Variants in PEPD observed in about 807,000 individuals in gnomAD.
PEPD encodes peptidase D.
A neutral mutation model predicts 60.7 loss-of-function variants in PEPD; 53 were observed. The ratio of observed to expected loss-of-function variants is 0.87; its 90% confidence interval spans 0.70 to 1.10. The LOEUF (loss-of-function observed/expected upper bound fraction) is 1.10. Ranked by LOEUF, PEPD falls within the 50% of genes least tolerant of loss-of-function variation. The pLI, the probability that PEPD is intolerant of heterozygous loss-of-function variation, is 0.00. For synonymous variants in PEPD, 267 were observed against 284.1 expected (o/e 0.94, Z 0.60); for missense variants, 711 against 711.9 (o/e 1.00, Z 0.01).
rs142070498 is a variant in PEPD at position 33,387,978 on chromosome 19, T to C, written c.1256A>G (p.Asp419Gly). Residue 419 changes from aspartate (D) to glycine (G), a missense_variant, in exon 14 of 15, where the codon GAC becomes GGC. Asp to Gly is a moderately conservative substitution (Grantham distance 94). Transcript: ENST00000244137. ...CGCCAGGGCCTCATCCAGGAGGTGG[T>C]CGATGAAGTAGATGCCCGGCTCCAC... ...LTVEPGIYFI[D>G]HLLDEALADP... 8,407 of 1,593,482 alleles carry C rather than the reference T, an allele frequency of 5.3e-3. 34 individuals carry two copies. Among genetic ancestry groups the C allele is most frequent in the Non-Finnish European group, 6.3e-3 (7,369 of 1,170,656 alleles).
intron 1 of PEPD, among the ~76,000 whole-genome samples, chr19:33,518,348 T>A (rs2145364769): frequency 6.6e-6 from 1 of 152,236 alleles, no homozygotes; most frequent in East Asian, 1.9e-4. Context: ...TAGCCCCCAG[T>A]CGGCCTGAGT....
intron 6 of PEPD, among the ~76,000 whole-genome samples, chr19:33,482,246 C>T (rs1970324897): frequency 6.6e-6 from 1 of 152,110 alleles, no homozygotes; most frequent in Non-Finnish European, 1.5e-5. Flanking sequence ...ACATCATGAC[C>T]AAGTGGGATT....
chr19:33,454,561 C>T (rs1969760735), intron 9 of PEPD, among the ~76,000 whole-genome samples: 1 of 151,420 alleles, frequency 6.6e-6, no homozygotes, highest in Non-Finnish European at 1.5e-5. Context: ...GAGATTGTAC[C>T]ACTGCACTCC....
intron 1 of PEPD, among the ~76,000 whole-genome samples, chr19:33,515,184 G>A (rs955138626): frequency 1.3e-5 from 2 of 152,166 alleles, no homozygotes; most frequent in East Asian, 1.9e-4. Flanking sequence ...AATGACACAC[G>A]GGGCCACACA....
chr19:33,473,858 T>G (rs1297530679), intron 7 of PEPD, among the ~76,000 whole-genome samples: 1 of 152,068 alleles, frequency 6.6e-6, no homozygotes, highest in African/African-American at 2.4e-5. Context: ...GGGAAGAGTA[T>G]GATTATAGAG....
chr19:33,515,773 C>T (rs975173106), intron 1 of PEPD, among the ~76,000 whole-genome samples: 1 of 152,042 alleles, frequency 6.6e-6, no homozygotes. Flanking sequence ...CCACCTCTCC[C>T]ACACTCCCCT....
chr19:33,485,637 T>C (rs1418659666), intron 6 of PEPD, among the ~76,000 whole-genome samples: 2 of 152,146 alleles, frequency 1.3e-5, no homozygotes, highest in Non-Finnish European at 1.5e-5. Context: ...CTTCCTGGGT[T>C]TTAAAATTCA....
intron 7 of PEPD, chr19:33,477,342 A>G (rs1041864343): frequency 6.3e-6 from 1 of 158,014 alleles, no homozygotes; most frequent in Non-Finnish European, 1.4e-5. Flanking sequence ...TTAGGGTCAT[A>G]TGTGAGAAGG....
At chr19:33,449,216 C>T (rs1969650982) in intron 9 of PEPD, among the ~76,000 whole-genome samples, 1 of 152,236 alleles carries the variant, frequency 6.6e-6, no homozygotes, top group South Asian at 2.1e-4. Context: ...CAACTCATAG[C>T]CCCCTCCTCA....
intron 3 of PEPD, among the ~76,000 whole-genome samples, chr19:33,501,303 C>T (rs1486188710): frequency 1.3e-5 from 2 of 152,180 alleles, no homozygotes; most frequent in African/African-American, 4.8e-5. Flanking sequence ...CCCTCCACTG[C>T]CAGAGACAGT....
intron 7 of PEPD, among the ~76,000 whole-genome samples, chr19:33,468,315 G>C (rs1484842529): frequency 6.6e-6 from 1 of 152,266 alleles, no homozygotes; most frequent in South Asian, 2.1e-4. Flanking sequence ...GATCAGCAAA[G>C]CTGGAGTGTC....
At chr19:33,520,788 T>C (rs33843) in intron 1 of PEPD, among the ~76,000 whole-genome samples, 73,097 of 151,560 alleles carry the variant, frequency 0.48, 19,034 homozygotes, top group South Asian at 0.66. Flanking sequence ...CCATGCCCCC[T>C]CTACCCCACT....
intron 9 of PEPD, among the ~76,000 whole-genome samples, chr19:33,425,678 T>C (rs924176728): frequency 5.3e-5 from 8 of 152,106 alleles, no homozygotes; most frequent in South Asian, 4.1e-4. Context: ...TTAAAACATA[T>C]ATTTAAAGGA....
At chr19:33,468,861 C>T (rs1022396171) in intron 7 of PEPD, among the ~76,000 whole-genome samples, 1 of 152,224 alleles carries the variant, frequency 6.6e-6, no homozygotes, top group African/African-American at 2.4e-5. Context: ...TCTCTGATGC[C>T]GCCGTATGGC....
intron 1 of PEPD, among the ~76,000 whole-genome samples, chr19:33,513,325 T>C (rs1442145920): frequency 6.6e-6 from 1 of 152,096 alleles, no homozygotes; most frequent in East Asian, 1.9e-4. Context: ...ATCTGCAGAC[T>C]GATGATGTCC....
At chr19:33,445,049 C>A (rs1337991596) in intron 9 of PEPD, among the ~76,000 whole-genome samples, 3 of 152,314 alleles carry the variant, frequency 2.0e-5, no homozygotes, top group Admixed American at 1.3e-4. Context: ...AGGTTCAAAT[C>A]CTGCCTCCCC....
intron 3 of PEPD, among the ~76,000 whole-genome samples, chr19:33,504,449 A>G (rs1426944857): frequency 6.6e-6 from 1 of 152,190 alleles, no homozygotes; most frequent in Non-Finnish European, 1.5e-5. Context: ...GCCCCATCGC[A>G]TGGGAAGTCT....
Position 33,401,721 on chromosome 19 carries a change from C to T in PEPD, c.967G>A (p.Gly323Ser), listed in dbSNP as rs375919385. 7 of 1,606,466 alleles carry T rather than the reference C, an allele frequency of 4.4e-6. No homozygotes were observed. In the African/African-American group the frequency reaches 5.4e-5, roughly 12 times the overall value. Reference sequence around the variant, plus strand: ...CTCCCCCCACCGACCCGCTGCTCACCTGGCTTCATGGCACCCATGACGGCA... The same window carrying T: ...CTCCCCCCACCGACCCGCTGCTCACTTGGCTTCATGGCACCCATGACGGCA... ...SRAVMGAMKP[G>S]VWWPDMHRLA... is the part of the protein sequence containing the mutation. The change falls in exon 12 of 15, where the codon GGT becomes AGT. Residue 323 changes from glycine (G) to serine (S), a missense_variant and splice_region_variant. By Grantham distance (56) the Gly-to-Ser change is moderately conservative. Coordinates refer to ENST00000244137, the MANE Select transcript of PEPD (RefSeq NM_000285.4).
intron 6 of PEPD, among the ~76,000 whole-genome samples, chr19:33,485,727 C>A (rs1023925862): frequency 1.3e-5 from 2 of 152,148 alleles, no homozygotes; most frequent in African/African-American, 2.4e-5. Context: ...TAAATGGAAT[C>A]AATTCGTTAC....
Sources: allele counts gnomAD v4.1 joint callset (sites outside exome capture counted in the v4.1 genomes callset), GRCh38; gene constraint gnomAD v4.1.1; transcripts MANE v1.5; gene names NCBI Gene and HGNC (gene_info 2026-07-23, HGNC 2026-07-21).